The following FOXP1 variants were observed in gnomAD, a reference collection of about 807,000 sequenced individuals.
FOXP1 encodes forkhead box protein P1.
FOXP1 carries 15 observed loss-of-function variants against 98.2 expected under a neutral mutation model. The observed-to-expected ratio is 0.15, with a 90% confidence interval of 0.10 to 0.24. The LOEUF is 0.24. FOXP1 is among the 10% of genes least tolerant of loss of function. The probability of loss-of-function intolerance (pLI) is 1.00; values close to 1 mark genes in which losing one functional copy is unlikely to be tolerated. For synonymous variants in FOXP1, 371 were observed against 314.5 expected (o/e 1.18, Z -1.90); for missense variants, 633 against 848.5 (o/e 0.75, Z 3.15).
At chr3:71,148,751 G>A (rs1317196400) in intron 6 of FOXP1, among the ~76,000 whole-genome samples, 1 of 152,172 alleles carries the variant, frequency 6.6e-6, no homozygotes, top group Non-Finnish European at 1.5e-5. Context: ...TGAATCTATG[G>A]TTATCTTTTA....
intron 6 of FOXP1, among the ~76,000 whole-genome samples, chr3:71,127,195 C>T (rs146880519): frequency 3.5e-4 from 54 of 152,222 alleles, no homozygotes; most frequent in Middle Eastern, 3.4e-3. Flanking sequence ...AGGAGGCCCA[C>T]GGCACTCCAG....
rs1489187713 is a variant in FOXP1 at position 71,190,114 on chromosome 3, C to G, written c.180+8088G>C. 2.0e-5 allele frequency among the ~76,000 whole-genome samples: 3 copies of G among 152,178 alleles called. No homozygotes were observed. The East Asian group carries it at 5.8e-4, about 29-fold the overall frequency. On this transcript the variant is annotated intron_variant, in intron 6 of 20. Coordinates refer to ENST00000649528, the MANE Select transcript of FOXP1 (RefSeq NM_001349338.3). Reference sequence around the variant, plus strand: ...TTTAATACACCACCTCTTATATGATCTTTCTTCTCTACTTAGAACCCTCCC... The same window carrying G: ...TTTAATACACCACCTCTTATATGATGTTTCTTCTCTACTTAGAACCCTCCC...
At chr3:71,578,159 A>ATGTT (rs2047875161) in intron 2 of FOXP1, among the ~76,000 whole-genome samples, 1 of 152,242 alleles carries the variant, frequency 6.6e-6, no homozygotes, top group Non-Finnish European at 1.5e-5. Flanking sequence ...GAGAAGAAAC[A>ATGTT]GCTCATGCTG....
In FOXP1 at chr3:70,958,736, G is replaced by GAAA. The variant is rs2032469786; in HGVS notation, c.*510_*511insTTT. The stretch of plus-strand genomic sequence containing the variant: ...AAGGCCTTCCCCATCCCAACTGGAA[G>GAAA]CAAAAAAAAAAAAAAAAAAAAAAAA... On this transcript the variant is annotated 3_prime_UTR_variant, in exon 21 of 21. Coordinates refer to ENST00000649528, the MANE Select transcript of FOXP1 (RefSeq NM_001349338.3). 1 of 16,912 alleles carries GAAA rather than the reference G, an allele frequency of 5.9e-5. No homozygotes were observed. The highest frequency in any genetic ancestry group is 2.8e-4 in the African/African-American group (1 of 3,582). The allele number at this position is 16,912 out of a possible 1,614,324, so 1.0% of individuals were successfully genotyped here.
chr3:71,351,367 C>T (rs946040010), intron 4 of FOXP1, among the ~76,000 whole-genome samples: 5 of 152,142 alleles, frequency 3.3e-5, no homozygotes, highest in Non-Finnish European at 7.4e-5. Flanking sequence ...TTTAAGGCAC[C>T]GACACTTTAG....
intron 6 of FOXP1, among the ~76,000 whole-genome samples, chr3:71,135,456 G>A (rs970641774): frequency 6.6e-6 from 1 of 151,996 alleles, no homozygotes; most frequent in Admixed American, 6.5e-5. Flanking sequence ...TCCCAAAATA[G>A]TTCCCCTTTG....
chr3:71,119,879 C>T (rs1457659191), intron 6 of FOXP1, among the ~76,000 whole-genome samples: 1 of 152,180 alleles, frequency 6.6e-6, no homozygotes, highest in East Asian at 1.9e-4. Context: ...TCCAAAGCAA[C>T]AGGTTCTTCA....
chr3:71,468,882 G>A (rs996684471), intron 3 of FOXP1, among the ~76,000 whole-genome samples: 14 of 152,180 alleles, frequency 9.2e-5, no homozygotes, highest in Non-Finnish European at 2.1e-4. Context: ...AGAGAAAAAC[G>A]AGCAGGACCA....
intron 9 of FOXP1, among the ~76,000 whole-genome samples, chr3:71,048,497 GTTAA>G (rs2049354969): frequency 6.6e-6 from 1 of 152,076 alleles, no homozygotes; most frequent in African/African-American, 2.4e-5. Context: ...CACTGAGAAA[GTTAA>G]TTGAGTTTCA....
At chr3:71,065,097 C>T (rs962477635) in intron 7 of FOXP1, among the ~76,000 whole-genome samples, 1 of 149,606 alleles carries the variant, frequency 6.7e-6, no homozygotes. Context: ...CCGCGCGCCC[C>T]GGCCCCCTCC....
At chr3:71,027,734 T>A (rs890536222) in intron 11 of FOXP1, among the ~76,000 whole-genome samples, 1 of 152,206 alleles carries the variant, frequency 6.6e-6, no homozygotes, top group Non-Finnish European at 1.5e-5. Context: ...AACTTGAAAA[T>A]GTATATATAC....
chr3:71,041,721 G>C lies in FOXP1; in HGVS notation c.665-189C>G, dbSNP rs375305157. 2.6e-5 allele frequency among the ~76,000 whole-genome samples: 4 copies of C among 152,246 alleles called. No homozygotes were observed. The East Asian group carries it at 5.8e-4, about 22-fold the overall frequency. ...AAGTGTGTCCTCTTACCGAGCAACT[G>C]AGTGGAAGTTGCCCTCATCGCACAT... On this transcript the variant is annotated intron_variant, in intron 10 of 20. Coordinates refer to ENST00000649528, the MANE Select transcript of FOXP1 (RefSeq NM_001349338.3).
chr3:71,015,686 A>G, intron 11 of FOXP1, 33 bp from the exon 12 acceptor site: 1 of 1,466,228 alleles, frequency 6.8e-7, no homozygotes, highest in Non-Finnish European at 9.6e-7. Context: ...CCAGAGAATG[A>G]ATTTGCTGCC....
chr3:71,216,576 T>G (rs1355999353), intron 5 of FOXP1, among the ~76,000 whole-genome samples: 2 of 152,166 alleles, frequency 1.3e-5, no homozygotes, highest in African/African-American at 4.8e-5. Flanking sequence ...CTTTGATTTT[T>G]CTGAGTTGAT....
At chr3:71,420,416 A>G (rs1295421271) in intron 3 of FOXP1, among the ~76,000 whole-genome samples, 1 of 152,160 alleles carries the variant, frequency 6.6e-6, no homozygotes, top group African/African-American at 2.4e-5. Flanking sequence ...TACAGGGGCC[A>G]CTTCACCTCT....
chr3:71,008,099 C>T (rs2107669491), intron 12 of FOXP1, among the ~76,000 whole-genome samples: 1 of 152,224 alleles, frequency 6.6e-6, no homozygotes, highest in Non-Finnish European at 1.5e-5. Flanking sequence ...TACAAGTGGT[C>T]ACTTAAAAGA....
At chr3:71,305,846 A>G (rs746415337) in intron 4 of FOXP1, 18 of 152,626 alleles carry the variant, frequency 1.2e-4, no homozygotes, top group Non-Finnish European at 2.4e-4. Context: ...AAATGAAACA[A>G]AAGTGTCAGC....
intron 5 of FOXP1, among the ~76,000 whole-genome samples, chr3:71,271,351 G>A (rs545372713): frequency 2.7e-4 from 41 of 152,194 alleles, no homozygotes; most frequent in Non-Finnish European, 5.7e-4. Context: ...AATTAGTTTT[G>A]TTGATAAAAA....
intron 5 of FOXP1, among the ~76,000 whole-genome samples, chr3:71,216,676 C>T (rs1415358132): frequency 6.6e-6 from 1 of 151,860 alleles, no homozygotes; most frequent in Non-Finnish European, 1.5e-5. Flanking sequence ...TGGAATGAGA[C>T]GTACCTTGAG....
Sources: gnomAD v4.1 joint callset for allele counts (sites outside exome capture counted in the v4.1 genomes callset) on GRCh38, gnomAD v4.1.1 for gene constraint, MANE v1.5 for transcripts, NCBI Gene and HGNC (gene_info 2026-07-23, HGNC 2026-07-21) for gene names.